MAP3K5: variants seen among roughly 807,000 people sequenced by gnomAD.
The protein encoded by MAP3K5 is ASK-1.
A neutral mutation model predicts 158.7 loss-of-function variants in MAP3K5; 56 were observed. That is an observed-to-expected ratio of 0.35 (90% confidence interval 0.28 to 0.44). MAP3K5 has a LOEUF of 0.44. Ranked by LOEUF, MAP3K5 falls within the 20% of genes least tolerant of loss-of-function variation. MAP3K5 has a pLI of 1.00. For missense variants in MAP3K5, 1,294 were observed against 1,674.8 expected, an observed-to-expected ratio of 0.77 and a Z score of 3.97; for synonymous variants, 579 against 601.7, an observed-to-expected ratio of 0.96 and a Z score of 0.55.
chr6:136,792,865 C>G (rs567303842), upstream of MAP3K5, among the ~76,000 whole-genome samples: 12 of 152,312 alleles, frequency 7.9e-5, no homozygotes, highest in South Asian at 2.1e-3. The surrounding 1 kb of genome is among the most constrained non-coding windows in gnomAD (Gnocchi z 5.7). Flanking sequence ...CTTCTGGCCA[C>G]CCACTCGTAG....
intron 1 of MAP3K5, among the ~76,000 whole-genome samples, chr6:136,763,830 T>C (rs1783854858): frequency 6.6e-6 from 1 of 152,074 alleles, no homozygotes; most frequent in East Asian, 1.9e-4. Context: ...AATGGATTAA[T>C]CCATTAACAG....
chr6:136,634,215 A>G (rs945203194), intron 14 of MAP3K5, among the ~76,000 whole-genome samples: 2 of 152,264 alleles, frequency 1.3e-5, no homozygotes, highest in Non-Finnish European at 2.9e-5. Flanking sequence ...ATGGAGAGTT[A>G]TAAGTTATGC....
chr6:136,706,674 C>G (rs1379073870), intron 2 of MAP3K5, among the ~76,000 whole-genome samples: 4 of 152,150 alleles, frequency 2.6e-5, no homozygotes, highest in Non-Finnish European at 4.4e-5. Flanking sequence ...GAGTGGCCAT[C>G]ATCTTCAGCC....
At chr6:136,705,537 C>T (rs1781035786) in intron 2 of MAP3K5, among the ~76,000 whole-genome samples, 1 of 152,228 alleles carries the variant, frequency 6.6e-6, no homozygotes, top group East Asian at 1.9e-4. Flanking sequence ...AACTCCTGGC[C>T]TCAAGCAATT....
At position 136,614,531 on chromosome 6, in the gene MAP3K5, A is replaced by G. The variant is rs552995150; in HGVS notation, c.2151-245T>C. Reference sequence around the variant, plus strand: ...TAATTCATTTCCATGAGAAGGTAGTATTGGTATGCCCATTTTACAGATGAG... The same window carrying G: ...TAATTCATTTCCATGAGAAGGTAGTGTTGGTATGCCCATTTTACAGATGAG... On this transcript the variant is annotated intron_variant, in intron 15 of 29. Transcript: ENST00000359015. Among the ~76,000 whole-genome samples, 10 of 152,308 alleles carry G rather than the reference A, an allele frequency of 6.6e-5. 1 individual carries two copies. The highest frequency in any genetic ancestry group is 1.9e-4 in the African/African-American group (8 of 41,582).
chr6:136,694,390 C>A, intron 6 of MAP3K5, 80 bp from the exon 7 acceptor site: 1 of 1,122,724 alleles, frequency 8.9e-7, no homozygotes, highest in Non-Finnish European at 1.2e-6. Context: ...CCCTATTTAA[C>A]ATGTTGATTC....
intron 12 of MAP3K5, among the ~76,000 whole-genome samples, 160 bp from the exon 13 acceptor site, chr6:136,639,798 A>C (rs1777833976): frequency 6.6e-6 from 1 of 152,228 alleles, no homozygotes; most frequent in Non-Finnish European, 1.5e-5. Flanking sequence ...TTCCTGCACC[A>C]CACTACTAAA....
chr6:136,560,551 A>G (rs773237472), intron 28 of MAP3K5, among the ~76,000 whole-genome samples: 1 of 152,228 alleles, frequency 6.6e-6, no homozygotes, highest in Non-Finnish European at 1.5e-5. Context: ...TATGGTTTGT[A>G]TAGAAAATAT....
chr6:136,772,306 G>A (rs1355694656), intron 1 of MAP3K5, among the ~76,000 whole-genome samples: 1 of 152,140 alleles, frequency 6.6e-6, no homozygotes, highest in African/African-American at 2.4e-5. Flanking sequence ...ATGTTTCTAT[G>A]CAAATGTGTT....
chr6:136,562,512 G>C lies in MAP3K5; in HGVS notation c.3865C>G (p.Gln1289Glu). The C allele has an allele frequency of 6.4e-7, 1 of 1,574,082 alleles. No homozygotes were observed. The highest frequency in any genetic ancestry group is 1.1e-5 in the South Asian group (1 of 88,550). The change falls in exon 27 of 30, where the codon CAA becomes GAA. Residue 1289 changes from glutamine (Q) to glutamate (E), a missense_variant. Gln to Glu is a conservative substitution (Grantham distance 29, BLOSUM62 2). This residue lies in a region of MAP3K5 where 199 missense variants were observed against 220.3 expected (regional missense o/e 0.90). Coordinates refer to ENST00000359015, the MANE Select transcript of MAP3K5 (RefSeq NM_005923.4). Reference protein sequence around the residue: ...QEIKHLKLKSQPIEIPELPVF... With the variant: ...QEIKHLKLKSEPIEIPELPVF... Reference sequence around the variant, plus strand: ...ACTTTCTGCTATTCACCTATGGGTTGGGACTTAAGCTTCAGGTGTTTAATT... The same window carrying C: ...ACTTTCTGCTATTCACCTATGGGTTCGGACTTAAGCTTCAGGTGTTTAATT...
At chr6:136,580,555 A>G in intron 24 of MAP3K5, 149 bp from the exon 25 acceptor site, 1 of 546,852 alleles carries the variant, frequency 1.8e-6, no homozygotes, top group Non-Finnish European at 3.3e-6. Flanking sequence ...ATTGGAAAAC[A>G]AAGTAAAAAT....
At chr6:136,677,958 A>AG (rs1245924643) in intron 7 of MAP3K5, among the ~76,000 whole-genome samples, 1 of 152,206 alleles carries the variant, frequency 6.6e-6, no homozygotes, top group East Asian at 1.9e-4. Context: ...TCTTTAAAGT[A>AG]GGGGGAATTC....
chr6:136,661,482 A>C (rs972672563), intron 8 of MAP3K5, among the ~76,000 whole-genome samples: 2 of 152,130 alleles, frequency 1.3e-5, no homozygotes, highest in African/African-American at 4.8e-5. Context: ...TGCAGCCTTG[A>C]ATTTCTGGGC....
intron 1 of MAP3K5, among the ~76,000 whole-genome samples, chr6:136,741,194 C>A (rs1439220595): frequency 6.6e-6 from 1 of 151,936 alleles, no homozygotes; most frequent in East Asian, 1.9e-4. Context: ...ATATTTAGTC[C>A]TTAGTAGCAA....
Position 136,557,613 on chromosome 6 carries a change from G to GTTT in MAP3K5, c.*142_*144dup. ...TAGGAAATTTCAGTGTGTTTTGTCT[G>GTTT]TTTTTTTTTTTTTTAACATGAGTAA... On this transcript the variant is annotated 3_prime_UTR_variant, in exon 30 of 30. Coordinates refer to ENST00000359015, the MANE Select transcript of MAP3K5 (RefSeq NM_005923.4). The GTTT allele has an allele frequency of 1.7e-4, 81 of 475,262 alleles. No homozygotes were observed. The highest frequency in any genetic ancestry group is 4.9e-4 in the South Asian group (17 of 34,758). The allele number at this position is 475,262 out of a possible 1,614,324, so 29.4% of individuals were successfully genotyped here.
intron 1 of MAP3K5, among the ~76,000 whole-genome samples, chr6:136,779,648 T>C (rs1784537130): frequency 6.6e-6 from 1 of 152,160 alleles, no homozygotes; most frequent in Admixed American, 6.5e-5. Flanking sequence ...ACCTTTTTCC[T>C]TCATAAAATA....
chr6:136,567,913 T>G, intron 25 of MAP3K5, 39 bp from the exon 26 acceptor site: 1 of 1,595,712 alleles, frequency 6.3e-7, no homozygotes, highest in Admixed American at 1.7e-5. Context: ...TTATAAAATA[T>G]GACTCATTGC....
In MAP3K5 at chr6:136,592,448, T is replaced by C. The variant is rs2129081242; in HGVS notation, c.3045A>G (p.Thr1015=). The C allele has an allele frequency of 6.2e-7, 1 of 1,613,658 alleles. No individual in the cohort carries two copies. Among genetic ancestry groups the C allele is most frequent in the Non-Finnish European group, 8.5e-7 (1 of 1,179,882 alleles). Residue 1015 remains threonine (T), a synonymous_variant, in exon 22 of 30, where the codon ACA becomes ACG. Transcript: ENST00000359015. The part of the protein sequence containing the change: ...CGERDVKGIR[T]LFLGIPDENF... ...AGTCAGGTCTTTACCCCAAAAAGAG[T>C]GTCCGAATTCCCTTGACATCTCTTT...
intron 1 of MAP3K5, among the ~76,000 whole-genome samples, chr6:136,730,992 A>G (rs2114827791): frequency 6.6e-6 from 1 of 152,336 alleles, no homozygotes; most frequent in South Asian, 2.1e-4. Context: ...AGCATGAAAA[A>G]TCTACAACCA....
Sources: allele counts gnomAD v4.1 joint callset (sites outside exome capture counted in the v4.1 genomes callset), GRCh38; gene constraint gnomAD v4.1.1; regional missense constraint gnomAD v4.1.1; non-coding constraint Gnocchi (gnomAD v3.1); transcripts MANE v1.5; gene names NCBI Gene and HGNC (gene_info 2026-07-23, HGNC 2026-07-21).